SLC71A1: variants seen among roughly 807,000 people sequenced by gnomAD.
SLC71A1 encodes hippocampus abundant gene transcript 1.
the SLC71A1 span, among the ~76,000 whole-genome samples, chr1:100,067,568 C>G: frequency 3.7e-3 from 566 of 152,180 alleles, no homozygotes; most frequent in Non-Finnish European, 6.1e-3. Flanking sequence ...CCCAGCCCTT[C>G]GGGAGGCTGA....
the SLC71A1 span, among the ~76,000 whole-genome samples, chr1:100,050,341 T>C: frequency 1.3e-5 from 2 of 152,200 alleles, no homozygotes; most frequent in African/African-American, 2.4e-5. Context: ...ATAATTACTT[T>C]GAGGTTCATT....
chr1:100,058,289 T>TG, the SLC71A1 span, among the ~76,000 whole-genome samples: 1 of 152,228 alleles, frequency 6.6e-6, no homozygotes, highest in African/African-American at 2.4e-5. Context: ...TCAGTTATTT[T>TG]GGGGAAGCAG....
the SLC71A1 span, among the ~76,000 whole-genome samples, chr1:100,045,118 T>G: frequency 0.059 from 8,994 of 152,296 alleles, 346 homozygotes; most frequent in African/African-American, 0.1. Context: ...CAATGTTGAT[T>G]CTTCCCTTCC....
At chr1:100,076,114 T>C in the SLC71A1 span, among the ~76,000 whole-genome samples, 1 of 152,226 alleles carries the variant, frequency 6.6e-6, no homozygotes, top group Admixed American at 6.5e-5. Flanking sequence ...GTGAAAGTCT[T>C]AGACAAGAAA....
At chr1:100,043,151 C>T in the SLC71A1 span, 2 of 981,964 alleles carry the variant, frequency 2.0e-6, no homozygotes, top group Non-Finnish European at 2.4e-6. Context: ...TGCAGAAATT[C>T]TCCTACAGTT....
the SLC71A1 span, chr1:100,082,484 A>G: frequency 2.5e-6 from 1 of 404,858 alleles, no homozygotes; most frequent in South Asian, 2.7e-5. Flanking sequence ...ATTAAAAACT[A>G]TATATGTAAC....
the SLC71A1 span, among the ~76,000 whole-genome samples, chr1:100,054,880 C>T: frequency 1.2e-3 from 180 of 152,050 alleles, 1 homozygote; most frequent in Non-Finnish European, 2.0e-3. Flanking sequence ...TTGTATGGCC[C>T]CAAAGGAGAA....
At chr1:100,042,655 T>G in the SLC71A1 span, among the ~76,000 whole-genome samples, 1 of 151,982 alleles carries the variant, frequency 6.6e-6, no homozygotes. Context: ...TTGCTCAGGC[T>G]GGGGTGCAAT....
the SLC71A1 span, chr1:100,078,396 T>C: frequency 1.1e-3 from 1,261 of 1,149,584 alleles, 17 homozygotes; most frequent in African/African-American, 0.018. Context: ...GTAGTTTGAC[T>C]TTCAGGTACA....
chr1:100,068,445 A>G, the SLC71A1 span: 6 of 1,426,264 alleles, frequency 4.2e-6, no homozygotes, highest in South Asian at 2.3e-5. Flanking sequence ...AGAAAACCTT[A>G]TATCAATCAG....
the SLC71A1 span, among the ~76,000 whole-genome samples, chr1:100,063,751 G>A: frequency 2.0e-5 from 3 of 152,108 alleles, no homozygotes; most frequent in Non-Finnish European, 2.9e-5. Context: ...AGCCGTGATC[G>A]CACCACTGCG....
chr1:100,052,424 CTTTTTTTTTT>C, the SLC71A1 span, among the ~76,000 whole-genome samples: 16 of 119,656 alleles, frequency 1.3e-4, no homozygotes, highest in Admixed American at 2.6e-4. Context: ...TAATATATTC[CTTTTTTTTTT>C]TTTTTTTTTT....
At chr1:100,055,546 T>C in the SLC71A1 span, among the ~76,000 whole-genome samples, 1 of 152,000 alleles carries the variant, frequency 6.6e-6, no homozygotes, top group Non-Finnish European at 1.5e-5. Context: ...AGAGAGGGCA[T>C]GCCATTTTTC....
chr1:100,080,298 T>G, the SLC71A1 span: 1 of 484,672 alleles, frequency 2.1e-6, no homozygotes, highest in South Asian at 3.7e-5. Context: ...GAGCTCATGT[T>G]TGCATAGGAC....
chr1:100,074,448 A>G, the SLC71A1 span, among the ~76,000 whole-genome samples: 1 of 151,976 alleles, frequency 6.6e-6, no homozygotes, highest in African/African-American at 2.4e-5. Context: ...GCATGGTGGC[A>G]CGTGCCTGTA....
chr1:100,058,580 G>C, the SLC71A1 span: 5 of 739,092 alleles, frequency 6.8e-6, no homozygotes, highest in Middle Eastern at 2.6e-4. Flanking sequence ...ATTGTAGTAT[G>C]AATGGATGTT....
chr1:100,040,954 C>T, the SLC71A1 span, among the ~76,000 whole-genome samples: 1 of 152,160 alleles, frequency 6.6e-6, no homozygotes, highest in Non-Finnish European at 1.5e-5. Flanking sequence ...ACATGACAGT[C>T]GTGAACAGTA....
At chr1:100,063,972 C>T in the SLC71A1 span, among the ~76,000 whole-genome samples, 12 of 152,176 alleles carry the variant, frequency 7.9e-5, no homozygotes, top group African/African-American at 2.4e-4. Flanking sequence ...TCTTCAGTGA[C>T]CCTCATAGTG....
the SLC71A1 span, among the ~76,000 whole-genome samples, chr1:100,074,695 G>C: frequency 4.2e-4 from 64 of 151,894 alleles, no homozygotes; most frequent in African/African-American, 1.4e-3. Flanking sequence ...TGGCCAATAT[G>C]GTGGAACCCT....
Sources: allele counts gnomAD v4.1 joint callset (sites outside exome capture counted in the v4.1 genomes callset), GRCh38; gene constraint gnomAD v4.1.1; transcripts MANE v1.5; gene names NCBI Gene and HGNC (gene_info 2026-07-23, HGNC 2026-07-21).